Variants in VCL observed in about 807,000 individuals in gnomAD.
VCL encodes vinculin.
In VCL, 47 loss-of-function variants were observed where a neutral mutation model predicts 125.7. The ratio of observed to expected loss-of-function variants is 0.37; its 90% CI spans 0.30 to 0.48. VCL has a LOEUF of 0.48. Ranked by LOEUF, VCL falls within the 20% of genes least tolerant of loss-of-function variation. The probability of loss-of-function intolerance (pLI) is 0.99; values close to 1 mark genes in which losing one functional copy is unlikely to be tolerated. For synonymous variants in VCL, 458 were observed against 514.6 expected (o/e 0.89, Z 1.49); for missense variants, 1,069 against 1,455.5 (o/e 0.73, Z 4.32).
intron 2 of VCL, among the ~76,000 whole-genome samples, chr10:74,049,465 T>G (rs1841258727): frequency 6.6e-6 from 1 of 152,168 alleles, no homozygotes; most frequent in Non-Finnish European, 1.5e-5. Context: ...AGACTGACTT[T>G]ATGATAGGAA....
intron 19 of VCL, among the ~76,000 whole-genome samples, chr10:74,113,817 G>A (rs1290001053): frequency 6.6e-6 from 1 of 152,132 alleles, no homozygotes; most frequent in Non-Finnish European, 1.5e-5. Context: ...TTATTGATAT[G>A]ATTAACCTGG....
intron 1 of VCL, among the ~76,000 whole-genome samples, chr10:74,002,650 G>T (rs1027808204): frequency 2.6e-5 from 4 of 151,434 alleles, no homozygotes; most frequent in African/African-American, 9.7e-5. Flanking sequence ...TTGGGAGGCC[G>T]AGGCGGGCTG....
chr10:74,044,200 C>G (rs895928739), intron 2 of VCL, among the ~76,000 whole-genome samples: 14 of 151,904 alleles, frequency 9.2e-5, no homozygotes, highest in Non-Finnish European at 1.5e-4. Flanking sequence ...AAAATAATTT[C>G]CAGGCTTTTT....
chr10:74,050,696 T>C (rs1370733122), intron 2 of VCL, among the ~76,000 whole-genome samples: 7 of 152,248 alleles, frequency 4.6e-5, no homozygotes, highest in South Asian at 2.1e-4. Flanking sequence ...TTAATACCTT[T>C]TGTTTGCCTG....
At chr10:74,024,190 T>C (rs1000833823) in intron 1 of VCL, among the ~76,000 whole-genome samples, 1 of 152,202 alleles carries the variant, frequency 6.6e-6, no homozygotes, top group African/African-American at 2.4e-5. Flanking sequence ...ATTTTGCTTG[T>C]AGCCTTAATT....
At chr10:74,055,509 G>C (rs1841375484) in intron 2 of VCL, among the ~76,000 whole-genome samples, 1 of 150,980 alleles carries the variant, frequency 6.6e-6, no homozygotes, top group Non-Finnish European at 1.5e-5. Flanking sequence ...ACCATACCTG[G>C]CTAACTAAAA....
At chr10:74,074,618 G>GT in intron 5 of VCL, 125 bp from the exon 6 acceptor site, 1 of 1,071,974 alleles carries the variant, frequency 9.3e-7, no homozygotes, top group African/African-American at 1.6e-5. Context: ...TGTAGTGTTT[G>GT]TTTTGTATAC....
At position 74,105,291 on chromosome 10, in the gene VCL, G is replaced by A; in HGVS notation, c.2372G>A (p.Ser791Asn). The A allele has an allele frequency of 1.2e-6, 2 of 1,613,588 alleles. No homozygotes were observed. Among genetic ancestry groups the A allele is most frequent in the African/African-American group, 2.7e-5 (2 of 75,004 alleles). The change falls in exon 16 of 22, where the codon AGC (serine) becomes AAC (asparagine). Residue 791 changes from serine to asparagine, a missense_variant. Transcript: ENST00000211998. ...EAVKAASDELSKTISPMVMDA... is the reference protein window; with the variant it reads ...EAVKAASDELNKTISPMVMDA... ...GTGAAAGCTGCCTCTGATGAATTGA[G>A]CAAAACCATCTCCCCGATGGTGATG...
chr10:74,035,294 A>G (rs146061102), intron 1 of VCL, among the ~76,000 whole-genome samples: 7 of 150,650 alleles, frequency 4.6e-5, no homozygotes, highest in African/African-American at 1.5e-4. Context: ...AAATCTCTCT[A>G]CATTACCAAA....
chr10:74,022,916 C>T (rs951997303), intron 1 of VCL, among the ~76,000 whole-genome samples: 6 of 152,190 alleles, frequency 3.9e-5, no homozygotes, highest in Non-Finnish European at 5.9e-5. Flanking sequence ...GCTGGGATTA[C>T]AGATGTGAGC....
intron 1 of VCL, among the ~76,000 whole-genome samples, chr10:74,014,520 C>A (rs1217970945): frequency 2.7e-5 from 4 of 150,516 alleles, no homozygotes; most frequent in Non-Finnish European, 4.4e-5. Flanking sequence ...CAGGCATGAG[C>A]CACTATGCCC....
At chr10:74,057,532 A>G (rs1216173813) in intron 2 of VCL, among the ~76,000 whole-genome samples, 1 of 152,170 alleles carries the variant, frequency 6.6e-6, no homozygotes, top group South Asian at 2.1e-4. Flanking sequence ...CTGTACCCCA[A>G]ACCCCTGTCT....
chr10:74,026,595 A>G (rs1476389299), intron 1 of VCL, among the ~76,000 whole-genome samples: 1 of 152,228 alleles, frequency 6.6e-6, no homozygotes, highest in African/African-American at 2.4e-5. Flanking sequence ...TTGCAATGGC[A>G]GAGAAGGAAA....
At chr10:74,018,115 A>G (rs528966106) in intron 1 of VCL, among the ~76,000 whole-genome samples, 1 of 147,914 alleles carries the variant, frequency 6.8e-6, no homozygotes, top group South Asian at 2.1e-4. Context: ...AGCCTGGGCA[A>G]CAGAGCGAGA....
chr10:74,089,958 T>A, intron 9 of VCL, 65 bp from the exon 10 acceptor site: 3 of 1,590,496 alleles, frequency 1.9e-6, no homozygotes, highest in South Asian at 1.1e-5. Context: ...CTGGCCTTGT[T>A]AAGTTTAGTA....
At chr10:74,006,073 A>G (rs1840319535) in intron 1 of VCL, among the ~76,000 whole-genome samples, 1 of 151,996 alleles carries the variant, frequency 6.6e-6, no homozygotes, top group African/African-American at 2.4e-5. Context: ...TTTAGTAGAG[A>G]CAGCGTTTCA....
Position 74,090,194 on chromosome 10 carries a change from A to C in VCL, c.1348A>C (p.Arg450=), listed in dbSNP as rs142128712. Residue 450 remains arginine, a synonymous_variant, in exon 10 of 22, where the codon AGA becomes CGA. Coordinates refer to ENST00000211998, the MANE Select transcript of VCL (RefSeq NM_014000.3). ...ALTSKLADLR[R]QGKGDSPEAR... is the part of the protein sequence containing the mutation. The stretch of plus-strand genomic sequence containing the variant: ...GACTTCTAAATTAGCAGATCTACGA[A>C]GACAGTATGTATTTAACCCTTACAT... 1.2e-4 allele frequency: 191 copies of C among 1,614,128 alleles called. 1 individual carries two copies. The African/African-American group carries it at 2.3e-3, about 19-fold the overall frequency.
chr10:74,080,948 G>A (rs1309895466), intron 6 of VCL, among the ~76,000 whole-genome samples: 1 of 152,164 alleles, frequency 6.6e-6, no homozygotes, highest in Non-Finnish European at 1.5e-5. Context: ...ATTAATTTAA[G>A]ACATGATAGG....
intron 1 of VCL, among the ~76,000 whole-genome samples, chr10:74,023,710 T>A (rs1840717166): frequency 6.6e-6 from 1 of 151,928 alleles, no homozygotes; most frequent in South Asian, 2.1e-4. Context: ...GAAGTTAACA[T>A]TTCTATAAAA....
Sources: allele counts gnomAD v4.1 joint callset (sites outside exome capture counted in the v4.1 genomes callset), GRCh38; gene constraint gnomAD v4.1.1; transcripts MANE v1.5; gene names NCBI Gene and HGNC (gene_info 2026-07-23, HGNC 2026-07-21).